The following EPHA6 variants were observed in gnomAD, a reference collection of about 807,000 sequenced individuals.
The protein encoded by EPHA6 is EPH receptor A6.
A neutral mutation model predicts 112.0 loss-of-function variants in EPHA6; 50 were observed. That is an observed-to-expected ratio of 0.45 (90% CI 0.36 to 0.56). The LOEUF (loss-of-function observed/expected upper bound fraction) is 0.56. EPHA6 is among the 20% of genes least tolerant of loss of function. The pLI, the probability that EPHA6 is intolerant of heterozygous loss-of-function variation, is 0.00. For synonymous variants in EPHA6, 529 were observed against 490.7 expected, an observed-to-expected ratio of 1.08 and a Z score of -1.03; for missense variants, 1,280 against 1,417.4, an observed-to-expected ratio of 0.90 and a Z score of 1.56.
chr3:97,303,941 T>C (rs1220761850), intron 5 of EPHA6, among the ~76,000 whole-genome samples: 2 of 152,088 alleles, frequency 1.3e-5, no homozygotes, highest in Non-Finnish European at 2.9e-5. Flanking sequence ...ATAGCTCTTC[T>C]TGAAGAGGCC....
At chr3:97,413,615 T>A (rs879495737) in intron 6 of EPHA6, among the ~76,000 whole-genome samples, 3 of 151,984 alleles carry the variant, frequency 2.0e-5, no homozygotes, top group Non-Finnish European at 4.4e-5. Flanking sequence ...TGATACAAGG[T>A]TGTGAAATTA....
At chr3:96,820,171 T>C (rs1012832032) in intron 1 of EPHA6, among the ~76,000 whole-genome samples, 7 of 151,956 alleles carry the variant, frequency 4.6e-5, no homozygotes, top group Middle Eastern at 3.4e-3. Context: ...AGGAAGAGAG[T>C]TGCAGAAAGT....
chr3:97,205,723 A>G lies in EPHA6; in HGVS notation c.1115-20541A>G, dbSNP rs142682377. On this transcript the variant is annotated intron_variant, in intron 3 of 17. Transcript: ENST00000389672. ...GAATATTTGGTCAGCCATTACAGCT[A>G]TTTTCCTGACTATTTTGTGTATAGC... 6.2e-3 allele frequency among the ~76,000 whole-genome samples: 949 copies of G among 152,088 alleles called. 11 individuals are homozygous for G. The highest frequency in any genetic ancestry group is 0.024 in the Middle Eastern group (7 of 294).
intron 3 of EPHA6, among the ~76,000 whole-genome samples, chr3:96,994,732 T>TATATATATAGAGAGAGAGAGAGAGAGAG (rs1170197805): frequency 3.6e-5 from 3 of 82,202 alleles, no homozygotes; most frequent in African/African-American, 1.9e-4. Context: ...TATATATATA[T>TATATATATAGAGAGAGAGAGAGAGAGAG]AGAGAGAGAG....
chr3:97,579,886 T>TA (rs907890701), intron 11 of EPHA6, among the ~76,000 whole-genome samples: 9 of 152,032 alleles, frequency 5.9e-5, no homozygotes, highest in Non-Finnish European at 7.4e-5. Context: ...AAGCATCTTT[T>TA]AAAAAAAACT....
At chr3:97,440,806 AG>A in intron 6 of EPHA6, among the ~76,000 whole-genome samples, 1 of 151,882 alleles carries the variant, frequency 6.6e-6, no homozygotes. Flanking sequence ...TGTTTTTAAA[AG>A]ATTGATCAAA....
In EPHA6 at chr3:97,575,766, G is replaced by A. The variant is rs184574375; in HGVS notation, c.2387-16846G>A. Among the ~76,000 whole-genome samples, 398 of 152,218 alleles carry A rather than the reference G, an allele frequency of 2.6e-3. 4 individuals are homozygous for A. The highest frequency in any genetic ancestry group is 9.3e-3 in the African/African-American group (387 of 41,550). ...ATATTTATCTGCCAGCTGAATATAA[G>A]GGGGAAATATAAGCACGGAAATTAA... is the stretch of plus-strand genomic sequence containing the variant. On this transcript the variant is annotated intron_variant, in intron 11 of 17. Transcript: ENST00000389672.
intron 12 of EPHA6, among the ~76,000 whole-genome samples, chr3:97,596,050 C>T (rs1576010388): frequency 6.6e-6 from 1 of 151,720 alleles, no homozygotes; most frequent in Non-Finnish European, 1.5e-5. Context: ...GGACTACAGG[C>T]GCCCGCCACC....
At chr3:97,657,197 T>G (rs2094142440) in intron 14 of EPHA6, among the ~76,000 whole-genome samples, 1 of 151,928 alleles carries the variant, frequency 6.6e-6, no homozygotes, top group Non-Finnish European at 1.5e-5. Context: ...TTTGTGTTTA[T>G]AGCATGTATT....
At chr3:97,396,960 G>C (rs1289692223) in intron 5 of EPHA6, among the ~76,000 whole-genome samples, 2 of 151,158 alleles carry the variant, frequency 1.3e-5, no homozygotes, top group Non-Finnish European at 3.0e-5. Context: ...TCAAATTTTT[G>C]TTACATAGTG....
chr3:97,104,497 A>G (rs988401221), intron 3 of EPHA6, among the ~76,000 whole-genome samples: 1 of 152,120 alleles, frequency 6.6e-6, no homozygotes, highest in African/African-American at 2.4e-5. Context: ...GATGAAGCCT[A>G]CTTGATCGTG....
At chr3:97,542,009 C>T (rs888527545) in intron 11 of EPHA6, among the ~76,000 whole-genome samples, 5 of 151,224 alleles carry the variant, frequency 3.3e-5, no homozygotes, top group Non-Finnish European at 5.9e-5. Context: ...ACTTGGAGTC[C>T]GATGTTCGAG....
chr3:97,702,298 G>T (rs1243909255), intron 14 of EPHA6, among the ~76,000 whole-genome samples: 1 of 152,064 alleles, frequency 6.6e-6, no homozygotes, highest in Non-Finnish European at 1.5e-5. Flanking sequence ...AAGTGATTTG[G>T]TATAAGGGAA....
intron 1 of EPHA6, among the ~76,000 whole-genome samples, chr3:96,863,942 A>C (rs1174866956): frequency 6.6e-6 from 1 of 152,046 alleles, no homozygotes; most frequent in African/African-American, 2.4e-5. Flanking sequence ...AAATTAGAAT[A>C]AAACTTATGA....
At chr3:97,442,047 TA>T (rs1203525296) in intron 6 of EPHA6, among the ~76,000 whole-genome samples, 1 of 152,130 alleles carries the variant, frequency 6.6e-6, no homozygotes, top group Non-Finnish European at 1.5e-5. Context: ...CAACTAGCTT[TA>T]AAAAAAGGAG....
At chr3:97,406,701 T>C (rs1577271473) in intron 6 of EPHA6, among the ~76,000 whole-genome samples, 2 of 152,278 alleles carry the variant, frequency 1.3e-5, no homozygotes, top group South Asian at 2.1e-4. Flanking sequence ...ATTTCAGCAT[T>C]ATGTAGTCAA....
At chr3:97,035,433 C>G (rs1465725183) in intron 3 of EPHA6, among the ~76,000 whole-genome samples, 1 of 151,882 alleles carries the variant, frequency 6.6e-6, no homozygotes, top group Non-Finnish European at 1.5e-5. Flanking sequence ...ATAGTGCCCT[C>G]TTATCATTCT....
chr3:97,550,533 A>T (rs2093015335), intron 11 of EPHA6, among the ~76,000 whole-genome samples: 1 of 152,226 alleles, frequency 6.6e-6, no homozygotes, highest in Non-Finnish European at 1.5e-5. Flanking sequence ...CTATGACCTG[A>T]GAAGGATCTT....
intron 3 of EPHA6, among the ~76,000 whole-genome samples, chr3:97,100,917 A>T (rs1171375110): frequency 1.3e-5 from 2 of 152,166 alleles, no homozygotes; most frequent in East Asian, 3.9e-4. Flanking sequence ...ATAAATGAGA[A>T]TAAGATAAAT....
Sources: gnomAD v4.1 joint callset for allele counts (sites outside exome capture counted in the v4.1 genomes callset) on GRCh38, gnomAD v4.1.1 for gene constraint, MANE v1.5 for transcripts, NCBI Gene and HGNC (gene_info 2026-07-23, HGNC 2026-07-21) for gene names.